KATNBL1: variants seen among roughly 807,000 people sequenced by gnomAD.
KATNBL1 encodes katanin regulatory subunit B1 like 1.
A neutral mutation model predicts 44.7 loss-of-function variants in KATNBL1; 28 were observed. The ratio of observed to expected loss-of-function variants is 0.63; its 90% CI spans 0.46 to 0.86. KATNBL1 has a LOEUF of 0.86. Among genes scored for constraint, KATNBL1 ranks in the 40% least tolerant of loss-of-function variants. KATNBL1 has a pLI of 0.00. For synonymous variants in KATNBL1, 78 were observed against 114.9 expected, an observed-to-expected ratio of 0.68 and a Z score of 2.06; for missense variants, 272 against 350.7, an observed-to-expected ratio of 0.78 and a Z score of 1.79.
intron 1 of KATNBL1, among the ~76,000 whole-genome samples, chr15:34,191,300 G>T (rs1301782702): frequency 6.6e-6 from 1 of 151,038 alleles, no homozygotes; most frequent in African/African-American, 2.4e-5. Context: ...TAACATAACA[G>T]TCTATTAGGT....
intron 1 of KATNBL1, among the ~76,000 whole-genome samples, chr15:34,179,858 T>C (rs978520759): frequency 2.6e-5 from 4 of 152,184 alleles, no homozygotes; most frequent in Non-Finnish European, 2.9e-5. Flanking sequence ...TCTGAAGAAA[T>C]AAATATTTTA....
At chr15:34,188,425 A>G (rs1012043720) in intron 1 of KATNBL1, among the ~76,000 whole-genome samples, 1 of 152,020 alleles carries the variant, frequency 6.6e-6, no homozygotes, top group African/African-American at 2.4e-5. Flanking sequence ...GCATAATGGC[A>G]CATGCCTGTA....
At chr15:34,198,954 G>A (rs930502472) in intron 1 of KATNBL1, among the ~76,000 whole-genome samples, 1 of 152,148 alleles carries the variant, frequency 6.6e-6, no homozygotes, top group Admixed American at 6.5e-5. Context: ...CTGATTGAAG[G>A]TTACCATTTT....
rs375183200 is a variant in KATNBL1, at chr15:34,186,371, C to A, written c.-14-22681G>T. 2.6e-5 allele frequency among the ~76,000 whole-genome samples: 4 copies of A among 152,208 alleles called. No individual in the cohort carries two copies. The East Asian group carries it at 7.7e-4, about 29-fold the overall frequency. ...CCTGCTTTACTGAGCAAGCAGGAGC[C>A]CTGCCCAGGTGGGCTACAGCCACCC... is the stretch of plus-strand genomic sequence containing the variant. On this transcript the variant is annotated intron_variant, in intron 1 of 9. Coordinates refer to ENST00000256544, the MANE Select transcript of KATNBL1 (RefSeq NM_024713.3).
At chr15:34,182,887 G>A (rs1185867185) in intron 1 of KATNBL1, among the ~76,000 whole-genome samples, 1 of 152,146 alleles carries the variant, frequency 6.6e-6, no homozygotes, top group Non-Finnish European at 1.5e-5. Flanking sequence ...TTTGAGGAGA[G>A]GGACATGTTC....
intron 1 of KATNBL1, among the ~76,000 whole-genome samples, chr15:34,187,015 A>G (rs1013475092): frequency 1.3e-5 from 2 of 152,234 alleles, no homozygotes; most frequent in Non-Finnish European, 2.9e-5. Flanking sequence ...GGGCTCAGCC[A>G]CAGCAGGGCG....
intron 1 of KATNBL1, among the ~76,000 whole-genome samples, chr15:34,181,785 C>CAT (rs1458230822): frequency 8.5e-6 from 1 of 117,686 alleles, no homozygotes; most frequent in East Asian, 2.3e-4. Flanking sequence ...TATATATGTC[C>CAT]ATATATATAT....
chr15:34,155,580 C>A (rs1422707880), intron 2 of KATNBL1, among the ~76,000 whole-genome samples: 1 of 152,162 alleles, frequency 6.6e-6, no homozygotes, highest in Non-Finnish European at 1.5e-5. Flanking sequence ...TTAGACCTTG[C>A]AATGCCTTTG....
chr15:34,156,174 CT>C (rs1368147115), intron 2 of KATNBL1, among the ~76,000 whole-genome samples: 1 of 152,216 alleles, frequency 6.6e-6, no homozygotes, highest in East Asian at 1.9e-4. Flanking sequence ...TCACCGCATC[CT>C]TTTAGGTCTC....
intron 1 of KATNBL1, among the ~76,000 whole-genome samples, chr15:34,174,240 A>G (rs1889255933): frequency 6.6e-6 from 1 of 152,230 alleles, no homozygotes; most frequent in Admixed American, 6.5e-5. Flanking sequence ...AAACTGGTAA[A>G]ATGACCACAT....
At chr15:34,191,375 T>C (rs1404014720) in intron 1 of KATNBL1, among the ~76,000 whole-genome samples, 1 of 151,976 alleles carries the variant, frequency 6.6e-6, no homozygotes, top group East Asian at 1.9e-4. Flanking sequence ...TTTTTCACTA[T>C]TATTAGTAAA....
intron 1 of KATNBL1, among the ~76,000 whole-genome samples, chr15:34,168,859 A>C (rs1889065735): frequency 6.6e-6 from 1 of 152,244 alleles, no homozygotes; most frequent in African/African-American, 2.4e-5. Flanking sequence ...TAATGAAAGA[A>C]GGCAGAAATA....
intron 1 of KATNBL1, among the ~76,000 whole-genome samples, chr15:34,188,032 G>A (rs780073684): frequency 5.4e-5 from 8 of 148,450 alleles, no homozygotes; most frequent in Middle Eastern, 3.4e-3. Flanking sequence ...CCAGCTGCTC[G>A]GTAGGTTGGG....
At chr15:34,161,575 G>A (rs943918483) in intron 2 of KATNBL1, among the ~76,000 whole-genome samples, 3 of 152,234 alleles carry the variant, frequency 2.0e-5, no homozygotes, top group African/African-American at 4.8e-5. Context: ...CACTGGACAA[G>A]GGGGAGGAAG....
chr15:34,158,952 TA>T (rs1266817836), intron 2 of KATNBL1, among the ~76,000 whole-genome samples: 3 of 152,228 alleles, frequency 2.0e-5, no homozygotes, highest in Non-Finnish European at 4.4e-5. Context: ...CAGGTCTCTT[TA>T]AATTTGGATT....
intron 8 of KATNBL1, 124 bp from the exon 9 acceptor site, chr15:34,145,615 C>A: frequency 1.2e-6 from 1 of 867,454 alleles, no homozygotes; most frequent in Non-Finnish European, 1.5e-6. Context: ...GAAAATGATG[C>A]TATTTGAAAT....
At chr15:34,178,174 T>C (rs1422076431) in intron 1 of KATNBL1, among the ~76,000 whole-genome samples, 1 of 152,186 alleles carries the variant, frequency 6.6e-6, no homozygotes, top group Admixed American at 6.5e-5. Flanking sequence ...TTGAATTCAA[T>C]TTGTTCTCAA....
At chr15:34,209,407 A>T (rs1890373822) in intron 1 of KATNBL1, 1 of 152,214 alleles carries the variant, frequency 6.6e-6, no homozygotes, top group Non-Finnish European at 1.5e-5. Flanking sequence ...GTAAAAGCCT[A>T]GATACTTTAC....
At chr15:34,203,021 C>G (rs1256219394) in intron 1 of KATNBL1, among the ~76,000 whole-genome samples, 1 of 151,988 alleles carries the variant, frequency 6.6e-6, no homozygotes, top group Non-Finnish European at 1.5e-5. Flanking sequence ...TAAAATCTCT[C>G]ATCATACTGT....
Sources: gnomAD v4.1 joint callset for allele counts (sites outside exome capture counted in the v4.1 genomes callset) on GRCh38, gnomAD v4.1.1 for gene constraint, MANE v1.5 for transcripts, NCBI Gene and HGNC (gene_info 2026-07-23, HGNC 2026-07-21) for gene names.